USPL1: variants seen among roughly 807,000 people sequenced by gnomAD.
USPL1 encodes the protein SUMO-specific isopeptidase USPL1.
USPL1 carries 27 observed loss-of-function variants against 51.5 expected under a neutral mutation model. The ratio of observed to expected loss-of-function variants is 0.52; its 90% CI spans 0.39 to 0.72. The LOEUF (loss-of-function observed/expected upper bound fraction) is 0.72. Ranked by LOEUF, USPL1 falls within the 30% of genes least tolerant of loss-of-function variation. The probability of loss-of-function intolerance (pLI) is 0.00; values close to 1 mark genes in which losing one functional copy is unlikely to be tolerated. For synonymous variants in USPL1, 451 were observed against 459.6 expected (o/e 0.98, Z 0.24); for missense variants, 1,226 against 1,268.0 (o/e 0.97, Z 0.50).
chr13:30,626,342 A>AAATAAATAAAT, intron 3 of USPL1, among the ~76,000 whole-genome samples: 1 of 152,098 alleles, frequency 6.6e-6, no homozygotes, highest in Middle Eastern at 3.4e-3. Context: ...ATAAATAAAT[A>AAATAAATAAAT]AATAAATCAA....
chr13:30,637,184 T>C (rs897530551), intron 4 of USPL1, among the ~76,000 whole-genome samples: 1 of 152,138 alleles, frequency 6.6e-6, no homozygotes, highest in African/African-American at 2.4e-5. Context: ...ATGAAGCACA[T>C]TTGTGTAGAC....
At chr13:30,625,475 C>T (rs1432102243) in intron 3 of USPL1, among the ~76,000 whole-genome samples, 2 of 126,044 alleles carry the variant, frequency 1.6e-5, no homozygotes, top group Non-Finnish European at 3.1e-5. Context: ...GAGACGGAGT[C>T]TCGCTCTGTC....
intron 8 of USPL1, among the ~76,000 whole-genome samples, chr13:30,655,281 T>G (rs144876680): frequency 2.8e-4 from 42 of 152,330 alleles, no homozygotes; most frequent in African/African-American, 9.4e-4. Context: ...CTGTAAATTT[T>G]TCTTTTTGGG....
At chr13:30,647,157 C>T (rs1004117158) in intron 7 of USPL1, 100 bp downstream of exon 7, 109 of 1,301,052 alleles carry the variant, frequency 8.4e-5, no homozygotes, top group Non-Finnish European at 1.1e-4. Flanking sequence ...ACTTACCTTT[C>T]TGAAATTTGA....
intron 5 of USPL1, among the ~76,000 whole-genome samples, chr13:30,641,410 C>G (rs1238676841): frequency 6.6e-6 from 1 of 151,498 alleles, no homozygotes; most frequent in African/African-American, 2.4e-5. Flanking sequence ...CTGTTCCTGG[C>G]CATGTTCCAG....
rs1442832300 is a variant in USPL1 at position 30,659,502 on chromosome 13, C to A, written c.*146C>A. Reference sequence around the variant, plus strand: ...ATGCAAGGTTTAACCTTTGGTTCTGCCCATGAAGCATGTAATCTTTCTTAC... The same window carrying A: ...ATGCAAGGTTTAACCTTTGGTTCTGACCATGAAGCATGTAATCTTTCTTAC... On this transcript the variant is annotated 3_prime_UTR_variant, in exon 9 of 9. Coordinates refer to ENST00000255304, the MANE Select transcript of USPL1 (RefSeq NM_005800.5). 2 of 687,242 alleles carry A rather than the reference C, an allele frequency of 2.9e-6. No individual in the cohort carries two copies. The highest frequency in any genetic ancestry group is 4.5e-6 in the Non-Finnish European group (2 of 441,006). The allele number at this position is 687,242 out of a possible 1,614,324, so 42.6% of individuals were successfully genotyped here.
At chr13:30,645,578 C>T (rs573194716) in intron 6 of USPL1, among the ~76,000 whole-genome samples, 4 of 152,152 alleles carry the variant, frequency 2.6e-5, no homozygotes, top group East Asian at 1.9e-4. Context: ...AATGAAGTGA[C>T]GTTTTCTTAA....
chr13:30,639,312 G>A (rs981616049), intron 5 of USPL1, among the ~76,000 whole-genome samples: 4 of 151,738 alleles, frequency 2.6e-5, no homozygotes, highest in African/African-American at 4.8e-5. Context: ...TTTTGTACAT[G>A]CTGGACAGCT....
Position 30,631,154 on chromosome 13 carries a change from C to G in USPL1, c.548C>G (p.Ala183Gly), listed in dbSNP as rs776047843. Residue 183 changes from alanine (A) to glycine (G), a missense_variant, in exon 4 of 9, where the codon GCT (alanine) becomes GGT (glycine). Transcript: ENST00000255304. ...EILEADTVDM[A>G]TTKDPATVDV... ...TTGGAAGCTGATACTGTTGACATGG[C>G]TACTACAAAAGATCCTGCTACAGTT... 2.5e-6 allele frequency: 4 copies of G among 1,614,038 alleles called. No homozygotes were observed. The East Asian group carries it at 6.7e-5, about 27-fold the overall frequency.
At position 30,657,603 on chromosome 13, in the gene USPL1, C is replaced by A; in HGVS notation, c.1526C>A (p.Ala509Asp). ...RKISQVTDKE[A>D]ACLPLKKTND... ...ATATCCCAAGTGACAGATAAAGAAG[C>A]TGCCTGCCTTCCACTTAAAAAGACT... The change falls in exon 9 of 9, where the codon GCT becomes GAT. Residue 509 changes from alanine to aspartate, a missense_variant. Ala to Asp is a moderately radical substitution (Grantham distance 126). Coordinates refer to ENST00000255304, the MANE Select transcript of USPL1 (RefSeq NM_005800.5). 1 of 1,614,196 alleles carries A rather than the reference C, an allele frequency of 6.2e-7. No homozygotes were observed. The highest frequency in any genetic ancestry group is 8.5e-7 in the Non-Finnish European group (1 of 1,180,026).
chr13:30,647,076 ATAATT>A lies in USPL1; in HGVS notation c.1238+21_1238+25del, dbSNP rs1951027692. 1 of 1,595,434 alleles carries A rather than the reference ATAATT, an allele frequency of 6.3e-7. No homozygotes were observed. ...TAGAAAAGTGAGTTAAAATTGTCTTATAATTTTTAGTACAAAATGAAGGTGGATTT... is the reference window on the plus strand; with the variant it reads ...TAGAAAAGTGAGTTAAAATTGTCTTATTTAGTACAAAATGAAGGTGGATTT... On this transcript the variant is annotated intron_variant, in intron 7 of 8. Transcript: ENST00000255304.
At chr13:30,638,331 A>C (rs1472780603) in intron 5 of USPL1, among the ~76,000 whole-genome samples, 1 of 152,210 alleles carries the variant, frequency 6.6e-6, no homozygotes, top group Non-Finnish European at 1.5e-5. Flanking sequence ...ATCTAAACCA[A>C]CCATAGTAAT....
At chr13:30,623,880 C>A (rs960120384) in intron 3 of USPL1, among the ~76,000 whole-genome samples, 1 of 152,294 alleles carries the variant, frequency 6.6e-6, no homozygotes, top group East Asian at 1.9e-4. Context: ...AAGCTTCATA[C>A]CTCTTCTGTC....
chr13:30,631,019 A>G lies in USPL1; in HGVS notation c.413A>G (p.Asn138Ser), dbSNP rs764273440. Residue 138 changes from asparagine to serine, a missense_variant, in exon 4 of 9, where the codon AAC becomes AGC. Physicochemically the swap from Asn to Ser is conservative, Grantham distance 46. Coordinates refer to ENST00000255304, the MANE Select transcript of USPL1 (RefSeq NM_005800.5). Reference sequence around the variant, plus strand: ...GCTATTGACGGTGGAAAAGTTTTGAACAGCAAACATAATGGAGAAGTATAT... The same window carrying G: ...GCTATTGACGGTGGAAAAGTTTTGAGCAGCAAACATAATGGAGAAGTATAT... ...YIAIDGGKVLNSKHNGEVYDE... is the reference protein window; with the variant it reads ...YIAIDGGKVLSSKHNGEVYDE... The G allele has an allele frequency of 3.1e-6, 5 of 1,614,154 alleles. No individual in the cohort carries two copies. Among genetic ancestry groups the G allele is most frequent in the Non-Finnish European group, 4.2e-6 (5 of 1,180,040 alleles).
chr13:30,635,642 T>A (rs1309501284), intron 4 of USPL1, among the ~76,000 whole-genome samples: 1 of 152,220 alleles, frequency 6.6e-6, no homozygotes, highest in African/African-American at 2.4e-5. Flanking sequence ...GGGACAGATG[T>A]GACATCATAC....
chr13:30,626,049 TCA>T (rs1950710912), intron 3 of USPL1, among the ~76,000 whole-genome samples: 1 of 152,190 alleles, frequency 6.6e-6, no homozygotes, highest in Non-Finnish European at 1.5e-5. Context: ...GTGCAGTGTT[TCA>T]CACCTGTAAT....
Position 30,659,096 on chromosome 13 carries a change from G to C in USPL1, c.3019G>C (p.Val1007Leu). 1 of 1,614,176 alleles carries C rather than the reference G, an allele frequency of 6.2e-7. No individual in the cohort carries two copies. The change falls in exon 9 of 9, where the codon GTA becomes CTA. Residue 1007 changes from valine (V) to leucine (L), a missense_variant. Transcript: ENST00000255304. ...GGGAGATAGTCATATCCCACCACCAGTACCAAGTGAATTCAATGATGTTTC... is the reference window on the plus strand; with the variant it reads ...GGGAGATAGTCATATCCCACCACCACTACCAAGTGAATTCAATGATGTTTC... ...GMGDSHIPPP[V>L]PSEFNDVSQN...
rs926633971 is a variant in USPL1 at position 30,657,675 on chromosome 13, C to G, written c.1598C>G (p.Ser533Trp). The change falls in exon 9 of 9, where the codon TCG becomes TGG. Residue 533 changes from serine (S) to tryptophan (W), a missense_variant. Coordinates refer to ENST00000255304, the MANE Select transcript of USPL1 (RefSeq NM_005800.5). The part of the protein sequence containing the change: ...LSNEKPVSLT[S>W]CSVGDAASAE... ...AATGAGAAACCAGTATCTTTAACATCGTGTTCTGTGGGTGATGCTGCCTCA... is the reference window on the plus strand; with the variant it reads ...AATGAGAAACCAGTATCTTTAACATGGTGTTCTGTGGGTGATGCTGCCTCA... The G allele has an allele frequency of 3.1e-6, 5 of 1,613,984 alleles. No homozygotes were observed. In the African/African-American group the frequency reaches 6.7e-5, roughly 22 times the overall value.
Position 30,659,112 on chromosome 13 carries a change from A to G in USPL1, c.3035A>G (p.Asn1012Ser), listed in dbSNP as rs1399239724. The change falls in exon 9 of 9, where the codon AAT (asparagine) becomes AGT (serine). Residue 1012 changes from asparagine (N) to serine (S), a missense_variant. Transcript: ENST00000255304. ...CCACCACCAGTACCAAGTGAATTCA[A>G]TGATGTTTCCCAGAACACACATCTG... is the stretch of plus-strand genomic sequence containing the variant. Reference protein sequence around the residue: ...HIPPPVPSEFNDVSQNTHLRQ... With the variant: ...HIPPPVPSEFSDVSQNTHLRQ... 2.5e-5 allele frequency: 41 copies of G among 1,614,106 alleles called. No individual in the cohort carries two copies. The highest frequency in any genetic ancestry group is 3.3e-5 in the Admixed American group (2 of 60,008).
Sources: gnomAD v4.1 joint callset for allele counts (sites outside exome capture counted in the v4.1 genomes callset) on GRCh38, gnomAD v4.1.1 for gene constraint, MANE v1.5 for transcripts, NCBI Gene and HGNC (gene_info 2026-07-23, HGNC 2026-07-21) for gene names.